The following HK1 variants were observed in gnomAD, a reference collection of about 807,000 sequenced individuals.
HK1 encodes hexokinase-1.
A neutral mutation model predicts 91.6 loss-of-function variants in HK1; 28 were observed. That is an observed-to-expected ratio of 0.31 (90% CI 0.23 to 0.42). The LOEUF (loss-of-function observed/expected upper bound fraction) is 0.42. Ranked by LOEUF, HK1 falls within the 10% of genes least tolerant of loss-of-function variation. HK1 has a pLI of 1.00. For synonymous variants in HK1, 430 were observed against 468.1 expected, an observed-to-expected ratio of 0.92 and a Z score of 1.05; for missense variants, 770 against 1,219.8, an observed-to-expected ratio of 0.63 and a Z score of 5.49.
intron 5 of HK1, among the ~76,000 whole-genome samples, chr10:69,368,854 G>C (rs764617035): frequency 2.7e-4 from 41 of 152,164 alleles, no homozygotes; most frequent in Non-Finnish European, 5.3e-4. Context: ...GGAGCAGGGG[G>C]TCACCTCCTG....
At chr10:69,311,056 C>CA (rs35246952), upstream of HK1, among the ~76,000 whole-genome samples, 42,163 of 133,574 alleles carry the variant, frequency 0.32, 6,598 homozygotes, top group East Asian at 0.7. Context: ...GACTCCGTCT[C>CA]AAAAAAAAAA....
At chr10:69,389,161 TC>T (rs1447417387) in intron 13 of HK1, 35 bp from the exon 14 acceptor site, 3 of 1,504,004 alleles carry the variant, frequency 2.0e-6, no homozygotes, top group Non-Finnish European at 9.3e-7. Flanking sequence ...GGCATAGTGA[TC>T]CTATTCCTAA....
At chr10:69,283,173 G>A (rs1265357041) in intron 2 of HK1, among the ~76,000 whole-genome samples, 1 of 148,822 alleles carries the variant, frequency 6.7e-6, no homozygotes, top group Non-Finnish European at 1.5e-5. Flanking sequence ...CTGGCAGGGT[G>A]CGGTGGCTCA....
intron 4 of HK1, chr10:69,300,546 A>G (rs938794055): frequency 1.4e-6 from 1 of 700,558 alleles, no homozygotes; most frequent in Non-Finnish European, 2.5e-6. Flanking sequence ...ATGGAAGCAG[A>G]TTATTCTGCA....
intron 4 of HK1, among the ~76,000 whole-genome samples, chr10:69,297,616 C>T (rs986313664): frequency 4.0e-5 from 6 of 151,856 alleles, no homozygotes; most frequent in African/African-American, 1.5e-4. Flanking sequence ...TGGTTGAGGC[C>T]GGATGTGGTG....
chr10:69,271,689 G>A (rs546055166), intron 1 of HK1, among the ~76,000 whole-genome samples: 49 of 152,006 alleles, frequency 3.2e-4, no homozygotes, highest in African/African-American at 1.1e-3. Flanking sequence ...ATGTTAGCCA[G>A]GATAGTCTCA....
chr10:69,287,479 A>G (rs901020405), intron 2 of HK1, among the ~76,000 whole-genome samples: 2 of 152,242 alleles, frequency 1.3e-5, no homozygotes, highest in African/African-American at 4.8e-5. Flanking sequence ...CATATCACAC[A>G]TTCCTCAGTA....
Position 69,401,186 on chromosome 10 carries a change from G to A in HK1, c.*51G>A, listed in dbSNP as rs776914487. 86 of 1,580,952 alleles carry A rather than the reference G, an allele frequency of 5.4e-5. No individual in the cohort carries two copies. Among genetic ancestry groups the A allele is most frequent in the African/African-American group, 6.8e-5 (5 of 74,052 alleles). ...CTCTCCAGCACTTCTCTCTTCAAGC[G>A]GCGACCCCCTACCCTCCCAGCGAGT... On this transcript the variant is annotated 3_prime_UTR_variant, in exon 18 of 18. Coordinates refer to ENST00000359426, the MANE Select transcript of HK1 (RefSeq NM_000188.3).
intron 3 of HK1, chr10:69,295,561 G>T (rs1845522783): frequency 1.0e-5 from 10 of 972,736 alleles, no homozygotes; most frequent in Non-Finnish European, 1.7e-5. Context: ...TTAGTTATAA[G>T]CATCAATATG....
chr10:69,305,376 G>C (rs1051716879), intron 5 of HK1, among the ~76,000 whole-genome samples: 1 of 152,146 alleles, frequency 6.6e-6, no homozygotes, highest in South Asian at 2.1e-4. Context: ...GCATTGATTA[G>C]TTTATTAGGA....
At chr10:69,398,971 G>A in intron 17 of HK1, 143 bp downstream of exon 17, 1 of 646,518 alleles carries the variant, frequency 1.5e-6, no homozygotes, top group Non-Finnish European at 2.8e-6. Context: ...GCTGGGGATT[G>A]TCTAGGACAA....
intron 3 of HK1, 121 bp downstream of exon 3, chr10:69,360,166 C>A: frequency 1.1e-6 from 1 of 948,146 alleles, no homozygotes. Flanking sequence ...GGAAAGAGTC[C>A]CTCATAGATG....
At chr10:69,297,131 C>A (rs1203996539) in intron 4 of HK1, among the ~76,000 whole-genome samples, 1 of 152,148 alleles carries the variant, frequency 6.6e-6, no homozygotes, top group Non-Finnish European at 1.5e-5. Flanking sequence ...AAAAGCCTTA[C>A]TGATAACATA....
chr10:69,312,659 G>A (rs527529715), upstream of HK1, among the ~76,000 whole-genome samples: 22 of 152,214 alleles, frequency 1.4e-4, no homozygotes, highest in Middle Eastern at 6.8e-3. Flanking sequence ...ACTTGTAAAT[G>A]GCTCTCTTTG....
chr10:69,395,206 C>T, intron 16 of HK1, 101 bp downstream of exon 16: 1 of 1,152,776 alleles, frequency 8.7e-7, no homozygotes, highest in Admixed American at 2.0e-5. Flanking sequence ...ACATTTTGGC[C>T]ATTTTTGAGG....
chr10:69,289,859 G>A (rs1404945608), intron 3 of HK1, among the ~76,000 whole-genome samples: 3 of 149,862 alleles, frequency 2.0e-5, no homozygotes, highest in Non-Finnish European at 3.0e-5. Flanking sequence ...GGCTTCAAGT[G>A]ATCCTCCCAC....
At chr10:69,314,443 C>T (rs905566369), upstream of HK1, among the ~76,000 whole-genome samples, 3 of 152,084 alleles carry the variant, frequency 2.0e-5, no homozygotes, top group Non-Finnish European at 2.9e-5. Flanking sequence ...GGATCTCTTC[C>T]GAGGCATCTC....
intron 1 of HK1, among the ~76,000 whole-genome samples, chr10:69,327,759 A>G (rs1847466939): frequency 6.6e-6 from 1 of 152,220 alleles, no homozygotes; most frequent in African/African-American, 2.4e-5. Flanking sequence ...TTTGTAATAG[A>G]TGAGTTTTAG....
chr10:69,274,090 A>G (rs1844318678), intron 1 of HK1, among the ~76,000 whole-genome samples: 1 of 152,096 alleles, frequency 6.6e-6, no homozygotes, highest in African/African-American at 2.4e-5. Context: ...TCAGGCAGCT[A>G]AGGTGATGGA....
Sources: gnomAD v4.1 joint callset for allele counts (sites outside exome capture counted in the v4.1 genomes callset) on GRCh38, gnomAD v4.1.1 for gene constraint, MANE v1.5 for transcripts, NCBI Gene and HGNC (gene_info 2026-07-23, HGNC 2026-07-21) for gene names.